SH3RF3: variants seen among roughly 807,000 people sequenced by gnomAD.
SH3RF3 encodes E3 ubiquitin-protein ligase SH3RF3.
SH3RF3 carries 29 observed loss-of-function variants against 66.3 expected under a neutral mutation model. The ratio of observed to expected loss-of-function variants is 0.44; its 90% CI spans 0.33 to 0.60. The LOEUF (loss-of-function observed/expected upper bound fraction) is 0.60. Ranked by LOEUF, SH3RF3 falls within the 20% of genes least tolerant of loss-of-function variation. The pLI is 0.04. For missense variants in SH3RF3, 1,194 were observed against 1,190.9 expected (o/e 1.00, Z -0.04); for synonymous variants, 583 against 532.0 (o/e 1.10, Z -1.32).
chr2:109,152,594 A>G (rs1014558330), intron 1 of SH3RF3, among the ~76,000 whole-genome samples: 5 of 152,240 alleles, frequency 3.3e-5, no homozygotes, highest in African/African-American at 1.2e-4. Flanking sequence ...ATTGTGTATT[A>G]TCAGATTTAT....
chr2:109,320,429 C>T (rs13408721), intron 1 of SH3RF3, among the ~76,000 whole-genome samples: 45,791 of 152,026 alleles, frequency 0.3, 8,302 homozygotes, highest in African/African-American at 0.51. Context: ...CTGGAACCAC[C>T]GCAGGCGCCC....
chr2:109,395,078 A>G (rs1220600579), intron 3 of SH3RF3, among the ~76,000 whole-genome samples: 1 of 152,264 alleles, frequency 6.6e-6, no homozygotes, highest in East Asian at 1.9e-4. Flanking sequence ...TGTGAAGACA[A>G]TGAAAACTTC....
intron 4 of SH3RF3, among the ~76,000 whole-genome samples, chr2:109,407,741 A>G (rs1392393641): frequency 9.8e-6 from 1 of 101,832 alleles, no homozygotes; most frequent in African/African-American, 4.4e-5. Flanking sequence ...TGAGCCTGGG[A>G]TGAATAAAAA....
At chr2:109,462,036 T>C (rs1678219311) in intron 8 of SH3RF3, among the ~76,000 whole-genome samples, 1 of 151,922 alleles carries the variant, frequency 6.6e-6, no homozygotes, top group African/African-American at 2.4e-5. Flanking sequence ...CCCCTAGAAA[T>C]TTCACTGAGG....
At chr2:109,232,362 T>C (rs1679532914) in intron 1 of SH3RF3, among the ~76,000 whole-genome samples, 2 of 152,220 alleles carry the variant, frequency 1.3e-5, no homozygotes, top group Admixed American at 1.3e-4. Flanking sequence ...GCTAAAAGTA[T>C]AAATATGGCT....
chr2:109,217,116 C>T (rs1023644391), intron 1 of SH3RF3, among the ~76,000 whole-genome samples: 1 of 152,222 alleles, frequency 6.6e-6, no homozygotes, highest in Non-Finnish European at 1.5e-5. Flanking sequence ...TCTCCTTCCT[C>T]TTTAAGGCTA....
At chr2:109,282,060 T>C (rs994815122) in intron 1 of SH3RF3, among the ~76,000 whole-genome samples, 1 of 152,048 alleles carries the variant, frequency 6.6e-6, no homozygotes, top group Non-Finnish European at 1.5e-5. Context: ...GCTGGTGGGA[T>C]ATGAGTGGGG....
In SH3RF3 at chr2:109,449,276, C is replaced by T; in HGVS notation, c.1935C>T (p.His645=). ...TGCCTGCCACCAGCCTCAGGCCCCA[C>T]TCGGTGGTGTCCCCGCAGCACAGCC... ...SRLPATSLRP[H]SVVSPQHSHQ... Residue 645 remains histidine, a synonymous_variant, in exon 8 of 10, where the codon CAC becomes CAT. Coordinates refer to ENST00000309415, the MANE Select transcript of SH3RF3 (RefSeq NM_001099289.3). 2 of 1,611,150 alleles carry T rather than the reference C, an allele frequency of 1.2e-6. No homozygotes were observed. The highest frequency in any genetic ancestry group is 8.5e-7 in the Non-Finnish European group (1 of 1,178,650).
At chr2:109,290,760 G>A (rs890397055) in intron 1 of SH3RF3, among the ~76,000 whole-genome samples, 12 of 152,174 alleles carry the variant, frequency 7.9e-5, no homozygotes, top group African/African-American at 2.9e-4. Flanking sequence ...TACCTTTCCT[G>A]GGCTCAGGAC....
rs751417430 is a variant in SH3RF3, at chr2:109,449,430, C to T, written c.2089C>T (p.Leu697=). The change falls in exon 8 of 10, where the codon CTG becomes TTG. Residue 697 remains leucine, a synonymous_variant. Transcript: ENST00000309415. ...GEAGGGPIGV[L]STSSPTNTGC... Reference sequence around the variant, plus strand: ...GGCTGGAGGGGGGCCCATCGGTGTTCTGTCCACATCCAGCCCCACCAACAC... The same window carrying T: ...GGCTGGAGGGGGGCCCATCGGTGTTTTGTCCACATCCAGCCCCACCAACAC... 7.4e-6 allele frequency: 12 copies of T among 1,613,886 alleles called. 1 individual carries two copies. Among genetic ancestry groups the T allele is most frequent in the Middle Eastern group, 3.3e-4 (2 of 6,082 alleles).
At chr2:109,166,687 A>G (rs1329155153) in intron 1 of SH3RF3, among the ~76,000 whole-genome samples, 2 of 152,166 alleles carry the variant, frequency 1.3e-5, no homozygotes, top group African/African-American at 4.8e-5. Context: ...TAAAGACCTG[A>G]AGTTCTTTTT....
Position 109,424,757 on chromosome 2 carries a change from T to C in SH3RF3, c.1403+5115T>C, listed in dbSNP as rs554782314. ...TTCTGACGGCTCCACGGACCCACCGTTTCCCCCATCTCTCTTTCTCTCCCC... is the reference window on the plus strand; with the variant it reads ...TTCTGACGGCTCCACGGACCCACCGCTTCCCCCATCTCTCTTTCTCTCCCC... On this transcript the variant is annotated intron_variant, in intron 5 of 9. Transcript: ENST00000309415. 5.3e-5 allele frequency among the ~76,000 whole-genome samples: 8 copies of C among 152,254 alleles called. No individual in the cohort carries two copies. The East Asian group carries it at 1.4e-3, about 26-fold the overall frequency.
chr2:109,239,911 C>T (rs1558975502), intron 1 of SH3RF3, among the ~76,000 whole-genome samples: 1 of 152,336 alleles, frequency 6.6e-6, no homozygotes, highest in East Asian at 1.9e-4. Flanking sequence ...CACTCAATCA[C>T]TGGCAGCCAG....
chr2:109,336,744 A>G (rs905491166), intron 1 of SH3RF3, among the ~76,000 whole-genome samples: 5 of 152,260 alleles, frequency 3.3e-5, no homozygotes, highest in Admixed American at 6.5e-5. Flanking sequence ...GGAGATTTCC[A>G]TTACAAAGTT....
chr2:109,149,221 T>G (rs1227116804), intron 1 of SH3RF3, among the ~76,000 whole-genome samples: 1 of 152,072 alleles, frequency 6.6e-6, no homozygotes, highest in East Asian at 1.9e-4. Flanking sequence ...CCCACTGCTT[T>G]TATTCGGACT....
intron 1 of SH3RF3, among the ~76,000 whole-genome samples, chr2:109,311,703 C>T (rs1406271832): frequency 1.3e-5 from 2 of 152,200 alleles, no homozygotes; most frequent in Non-Finnish European, 1.5e-5. Flanking sequence ...CTGATGTACC[C>T]TGGTGGTGGT....
chr2:109,442,488 T>TAAA (rs922501353), intron 7 of SH3RF3, among the ~76,000 whole-genome samples: 2 of 152,164 alleles, frequency 1.3e-5, no homozygotes, highest in African/African-American at 4.8e-5. Context: ...TGAATATCTT[T>TAAA]AAAATATAAT....
intron 1 of SH3RF3, among the ~76,000 whole-genome samples, chr2:109,187,697 C>G (rs1678229030): frequency 6.6e-6 from 1 of 152,204 alleles, no homozygotes; most frequent in African/African-American, 2.4e-5. Context: ...CACCCAAGGA[C>G]TCATTTTTCA....
At chr2:109,381,591 T>G (rs940015158) in intron 3 of SH3RF3, among the ~76,000 whole-genome samples, 6 of 152,000 alleles carry the variant, frequency 3.9e-5, no homozygotes, top group African/African-American at 1.5e-4. Context: ...TCCCTTTCAC[T>G]TCTACCTTTC....
Sources: allele counts gnomAD v4.1 joint callset (sites outside exome capture counted in the v4.1 genomes callset), GRCh38; gene constraint gnomAD v4.1.1; transcripts MANE v1.5; gene names NCBI Gene and HGNC (gene_info 2026-07-23, HGNC 2026-07-21).